The following POLN variants were observed in gnomAD, a reference collection of about 807,000 sequenced individuals.
POLN encodes DNA polymerase N.
A neutral mutation model predicts 113.5 loss-of-function variants in POLN; 108 were observed. The observed-to-expected ratio is 0.95, with a 90% confidence interval of 0.81 to 1.12. The LOEUF (loss-of-function observed/expected upper bound fraction) is 1.12, where lower values mean the gene tolerates loss of function less well. POLN is among the 50% of genes most tolerant of loss of function. The pLI is 0.00. For missense variants in POLN, 1,097 were observed against 1,077.1 expected (o/e 1.02, Z -0.26); for synonymous variants, 386 against 391.5 (o/e 0.99, Z 0.17).
At chr4:2,134,015 A>G (rs1042066923) in intron 16 of POLN, among the ~76,000 whole-genome samples, 8 of 152,146 alleles carry the variant, frequency 5.3e-5, no homozygotes, top group Non-Finnish European at 8.8e-5. Context: ...CCTCATCCCC[A>G]AGTGCCAGCT....
chr4:2,106,613 G>A (rs1201377152), intron 19 of POLN, among the ~76,000 whole-genome samples: 1 of 152,044 alleles, frequency 6.6e-6, no homozygotes, highest in African/African-American at 2.4e-5. Flanking sequence ...GAAAGCCCAG[G>A]GCTCTTACAG....
chr4:2,094,536 TTAC>T (rs1483535434), intron 20 of POLN, among the ~76,000 whole-genome samples: 2 of 152,104 alleles, frequency 1.3e-5, no homozygotes, highest in Non-Finnish European at 2.9e-5. Context: ...TTATTTTAAG[TTAC>T]TACATTTGTG....
rs552268935 is a variant in POLN at position 2,237,128 on chromosome 4, CAT to C, written c.-13+4390_-13+4391del. Among the ~76,000 whole-genome samples, 333 of 152,124 alleles carry C rather than the reference CAT, an allele frequency of 2.2e-3. 1 individual carries two copies. The highest frequency in any genetic ancestry group is 7.4e-3 in the African/African-American group (308 of 41,494). ...TCAGAGATAACCTCCAAAGAAAACA[CAT>C]GTCTCATAGAATATAACTATGATGT... On this transcript the variant is annotated intron_variant, in intron 2 of 25. Transcript: ENST00000511885.
At chr4:2,235,056 T>C (rs1734712191) in intron 2 of POLN, among the ~76,000 whole-genome samples, 1 of 152,180 alleles carries the variant, frequency 6.6e-6, no homozygotes, top group Non-Finnish European at 1.5e-5. Context: ...CGGCTAATTT[T>C]TGTATTTTTA....
intron 3 of POLN, among the ~76,000 whole-genome samples, chr4:2,216,868 A>G (rs1403256421): frequency 6.6e-6 from 1 of 152,216 alleles, no homozygotes; most frequent in Non-Finnish European, 1.5e-5. Context: ...TAGCTAGGTC[A>G]GCTCTGGTGA....
chr4:2,137,738 C>G (rs530511063), intron 16 of POLN, among the ~76,000 whole-genome samples: 1 of 152,318 alleles, frequency 6.6e-6, no homozygotes, highest in South Asian at 2.1e-4. Flanking sequence ...CATACATTCA[C>G]ATTTCACTCT....
At chr4:2,080,776 G>A in intron 23 of POLN, 182 bp downstream of exon 23, 1 of 1,465,316 alleles carries the variant, frequency 6.8e-7, no homozygotes, top group Non-Finnish European at 9.0e-7. Context: ...GTGGATGGCT[G>A]GTTGTTGTCT....
rs1224151348 is a variant in POLN at position 2,088,714 on chromosome 4, T to C, written c.2066-2970A>G. 38 of 1,100,230 alleles carry C rather than the reference T, an allele frequency of 3.5e-5. No individual in the cohort carries two copies. The South Asian group carries it at 6.5e-4, about 19-fold the overall frequency. 68.2% of individuals were successfully genotyped at this position (1,100,230 alleles called of 1,614,324 possible). On this transcript the variant is annotated intron_variant, in intron 20 of 25. Coordinates refer to ENST00000511885, the MANE Select transcript of POLN (RefSeq NM_181808.4). ...GCCATCAAGTTTTCTTTTGTTACTATTCTCTAGTAAATGCTTTTTTTTTAT... is the reference window on the plus strand; with the variant it reads ...GCCATCAAGTTTTCTTTTGTTACTACTCTCTAGTAAATGCTTTTTTTTTAT...
At chr4:2,092,595 C>T (rs984890904) in intron 20 of POLN, among the ~76,000 whole-genome samples, 1 of 152,212 alleles carries the variant, frequency 6.6e-6, no homozygotes, top group Admixed American at 6.5e-5. Context: ...GGGGCATCTC[C>T]CCTGCCTCTC....
chr4:2,182,408 A>G (rs1180584239), intron 7 of POLN, among the ~76,000 whole-genome samples: 1 of 152,188 alleles, frequency 6.6e-6, no homozygotes, highest in East Asian at 1.9e-4. Context: ...TGAGGATGGA[A>G]GCAGAGACTG....
intron 20 of POLN, among the ~76,000 whole-genome samples, chr4:2,091,543 T>C (rs1210038103): frequency 6.6e-6 from 1 of 152,170 alleles, no homozygotes; most frequent in Non-Finnish European, 1.5e-5. Flanking sequence ...CTTTTGGCTC[T>C]GTGGGGACTT....
chr4:2,124,338 T>C (rs112425108), intron 19 of POLN, among the ~76,000 whole-genome samples: 1,596 of 152,224 alleles, frequency 0.01, 35 homozygotes, highest in African/African-American at 0.037. Context: ...GGTGTAATCA[T>C]AGCTCACTGC....
At chr4:2,080,075 C>T in intron 23 of POLN, 1 of 985,482 alleles carries the variant, frequency 1.0e-6, no homozygotes, top group Non-Finnish European at 1.2e-6. Flanking sequence ...CATGGTGTGT[C>T]AGAGGGCGAG....
chr4:2,155,763 T>C (rs762922125), intron 16 of POLN, among the ~76,000 whole-genome samples: 1 of 152,136 alleles, frequency 6.6e-6, no homozygotes, highest in African/African-American at 2.4e-5. Context: ...TCAATATTAA[T>C]GTAGAATGAT....
At chr4:2,172,116 C>T (rs967213229) in intron 11 of POLN, among the ~76,000 whole-genome samples, 11 of 152,176 alleles carry the variant, frequency 7.2e-5, no homozygotes, top group African/African-American at 2.7e-4. Context: ...GCTAATCGAT[C>T]CCACTAATGT....
chr4:2,198,584 A>T lies in POLN; in HGVS notation c.848T>A (p.Ile283Asn). 1 of 1,613,754 alleles carries T rather than the reference A, an allele frequency of 6.2e-7. No homozygotes were observed. Among genetic ancestry groups the T allele is most frequent in the Non-Finnish European group, 8.5e-7 (1 of 1,179,916 alleles). Residue 283 changes from isoleucine (I) to asparagine (N), a missense_variant, in exon 6 of 26, where the codon ATT becomes AAT. By Grantham distance (149) the Ile-to-Asn change is moderately radical. Coordinates refer to ENST00000511885, the MANE Select transcript of POLN (RefSeq NM_181808.4). ...GFVSDDPCIY[I>N]QIEHSAIWDQ... ...CCAGATAGCAGAGTGCTCTATTTGA[A>T]TGTAGATGCATGGATCATCTGACAC...
rs1260999279 is a variant in POLN at position 2,106,338 on chromosome 4, C to T, written c.1983-10405G>A. Among the ~76,000 whole-genome samples, 7 of 152,360 alleles carry T rather than the reference C, an allele frequency of 4.6e-5. No homozygotes were observed. The East Asian group carries it at 1.2e-3, about 25-fold the overall frequency. On this transcript the variant is annotated intron_variant, in intron 19 of 25. Transcript: ENST00000511885. Reference sequence around the variant, plus strand: ...TATCTTAACTACGACACTCTTCTCTCTTCTGTTACCATAAAATTGCCTTTG... The same window carrying T: ...TATCTTAACTACGACACTCTTCTCTTTTCTGTTACCATAAAATTGCCTTTG...
chr4:2,202,628 A>T (rs1577767715), intron 5 of POLN, among the ~76,000 whole-genome samples: 1 of 150,938 alleles, frequency 6.6e-6, no homozygotes, highest in South Asian at 2.1e-4. Flanking sequence ...GGAGGCTGAG[A>T]CAGGAGAATT....
At chr4:2,194,184 C>A (rs904070439) in intron 6 of POLN, among the ~76,000 whole-genome samples, 2 of 152,172 alleles carry the variant, frequency 1.3e-5, no homozygotes, top group African/African-American at 4.8e-5. Flanking sequence ...AAATGACTAA[C>A]AAATGGCAAT....
Sources: allele counts gnomAD v4.1 joint callset (sites outside exome capture counted in the v4.1 genomes callset), GRCh38; gene constraint gnomAD v4.1.1; transcripts MANE v1.5; gene names NCBI Gene and HGNC (gene_info 2026-07-23, HGNC 2026-07-21).